PDE10A: variants seen among roughly 807,000 people sequenced by gnomAD.
PDE10A encodes the protein cAMP and cAMP-inhibited cGMP 3',5'-cyclic phosphodiesterase 10A.
A neutral mutation model predicts 97.7 loss-of-function variants in PDE10A; 39 were observed. That is an observed-to-expected ratio of 0.40 (90% CI 0.31 to 0.52). PDE10A has a LOEUF of 0.52. Among genes scored for constraint, PDE10A ranks in the 20% least tolerant of loss-of-function variants. The pLI, the probability that PDE10A is intolerant of heterozygous loss-of-function variation, is 0.56. For missense variants in PDE10A, 731 were observed against 1,047.8 expected, an observed-to-expected ratio of 0.70 and a Z score of 4.17; for synonymous variants, 371 against 376.8, an observed-to-expected ratio of 0.98 and a Z score of 0.18.
At chr6:165,947,383 C>T (rs1375382827) in intron 1 of PDE10A, among the ~76,000 whole-genome samples, 3 of 152,188 alleles carry the variant, frequency 2.0e-5, no homozygotes, top group African/African-American at 7.2e-5. Context: ...CATTGTACAG[C>T]TACTTTTTCT....
At chr6:165,448,506 G>A (rs149413954) in intron 5 of PDE10A, among the ~76,000 whole-genome samples, 1 of 152,122 alleles carries the variant, frequency 6.6e-6, no homozygotes, top group Non-Finnish European at 1.5e-5. Context: ...GACTTTTAGA[G>A]TCATCTGCAA....
intron 1 of PDE10A, among the ~76,000 whole-genome samples, chr6:165,742,570 G>A (rs139529819): frequency 2.0e-5 from 3 of 152,098 alleles, no homozygotes; most frequent in East Asian, 3.9e-4. Flanking sequence ...AGGTGGGCTC[G>A]GGTCACTGAC....
chr6:165,543,990 A>G (rs1483106597), intron 1 of PDE10A, among the ~76,000 whole-genome samples: 1 of 152,172 alleles, frequency 6.6e-6, no homozygotes, highest in Non-Finnish European at 1.5e-5. Flanking sequence ...TTTCAGAGTT[A>G]CATATGAACC....
chr6:165,559,110 T>C (rs963423835), intron 1 of PDE10A, among the ~76,000 whole-genome samples: 1 of 152,236 alleles, frequency 6.6e-6, no homozygotes, highest in Non-Finnish European at 1.5e-5. Flanking sequence ...CTCCAAAGTT[T>C]CTAGCTTAGG....
intron 3 of PDE10A, among the ~76,000 whole-genome samples, chr6:165,452,227 G>T (rs1279414942): frequency 6.6e-6 from 1 of 152,212 alleles, no homozygotes; most frequent in East Asian, 1.9e-4. Context: ...ATATTGATGT[G>T]GTAGAGGACA....
intron 1 of PDE10A, among the ~76,000 whole-genome samples, chr6:165,764,146 G>C (rs1438942205): frequency 1.3e-5 from 2 of 152,208 alleles, no homozygotes; most frequent in Non-Finnish European, 1.5e-5. Flanking sequence ...GTAGACGGAT[G>C]AGGCTCTTGG....
Position 165,887,421 on chromosome 6 carries a change from G to A in PDE10A, c.-615+100108C>T, listed in dbSNP as rs183129237. ...TTCTCTACCGTCCCCAACTTCTGAA[G>A]CCATGTCATTTTGTAATGTAGAATG... is the stretch of plus-strand genomic sequence containing the variant. On this transcript the variant is annotated intron_variant, in intron 1 of 19. Transcript: ENST00000366882. Among the ~76,000 whole-genome samples, 32 of 152,266 alleles carry A rather than the reference G, an allele frequency of 2.1e-4. 1 individual carries two copies. The East Asian group carries it at 4.4e-3, about 21-fold the overall frequency.
intron 1 of PDE10A, among the ~76,000 whole-genome samples, chr6:165,622,701 T>C (rs544959308): frequency 3.9e-5 from 6 of 152,334 alleles, no homozygotes; most frequent in African/African-American, 1.4e-4. Context: ...ACATGTTCTA[T>C]GTAAAAGTTC....
chr6:165,917,889 C>A (rs950566660), intron 1 of PDE10A, among the ~76,000 whole-genome samples: 5 of 152,172 alleles, frequency 3.3e-5, no homozygotes, highest in Non-Finnish European at 5.9e-5. Context: ...CTTGCTGAGT[C>A]CCCGAGTGCA....
intron 1 of PDE10A, among the ~76,000 whole-genome samples, chr6:165,681,828 G>C: frequency 6.6e-6 from 1 of 152,162 alleles, no homozygotes; most frequent in South Asian, 2.1e-4. Flanking sequence ...GGCTACTAGA[G>C]GAAGTGAGAA....
At chr6:165,433,984 T>A (rs1789801493) in intron 6 of PDE10A, among the ~76,000 whole-genome samples, 1 of 120,056 alleles carries the variant, frequency 8.3e-6, no homozygotes. Flanking sequence ...GCCACTGCAC[T>A]CCAGCCTGGG....
At chr6:165,480,637 C>T (rs548614401) in intron 3 of PDE10A, among the ~76,000 whole-genome samples, 22 of 151,652 alleles carry the variant, frequency 1.5e-4, no homozygotes, top group Admixed American at 2.6e-4. Context: ...AAAACAAAAC[C>T]AAAACAAAAC....
chr6:165,539,429 T>C (rs1296212656), intron 2 of PDE10A, among the ~76,000 whole-genome samples: 1 of 152,224 alleles, frequency 6.6e-6, no homozygotes, highest in East Asian at 1.9e-4. Context: ...TCTGTAAGAC[T>C]TTCCCTGACA....
chr6:165,688,269 G>C (rs1211575366), intron 1 of PDE10A, among the ~76,000 whole-genome samples: 1 of 152,126 alleles, frequency 6.6e-6, no homozygotes, highest in Admixed American at 6.5e-5. Flanking sequence ...ACATGCCTTT[G>C]AGACCAAGTC....
intron 1 of PDE10A, among the ~76,000 whole-genome samples, chr6:165,981,799 G>A (rs1785027986): frequency 6.6e-6 from 1 of 152,162 alleles, no homozygotes; most frequent in African/African-American, 2.4e-5. Flanking sequence ...CGAGGGCCAT[G>A]CCCATTTTTT....
At position 165,620,396 on chromosome 6, in the gene PDE10A, G is replaced by A. The variant is rs79748489; in HGVS notation, c.865+41551C>T. 7.2e-4 allele frequency among the ~76,000 whole-genome samples: 110 copies of A among 152,174 alleles called. 1 individual carries two copies. The East Asian group carries it at 0.019, about 27-fold the overall frequency. The stretch of plus-strand genomic sequence containing the variant: ...TGAGTAAAATATCTTGAGACATGTC[G>A]AACCTGAGCAATTTCCCACCAGCCT... On this transcript the variant is annotated intron_variant, in intron 1 of 21. Coordinates refer to ENST00000539869, the MANE Select transcript of PDE10A (RefSeq NM_001385079.1).
rs1174682605 is a variant in PDE10A at position 165,329,522 on chromosome 6, A to G, written c.*3503T>C. The stretch of plus-strand genomic sequence containing the variant: ...AGCTCAAACCTTAATTTTGAGTTAA[A>G]AGACCAGAAACACAATACCCAAACC... On this transcript the variant is annotated 3_prime_UTR_variant, in exon 22 of 22. Transcript: ENST00000539869. 2 of 152,242 alleles carry G rather than the reference A, an allele frequency of 1.3e-5. No individual in the cohort carries two copies. The highest frequency in any genetic ancestry group is 4.8e-5 in the African/African-American group (2 of 41,464). 9.4% of individuals were successfully genotyped at this position (152,242 alleles called of 1,614,324 possible).
intron 10 of PDE10A, among the ~76,000 whole-genome samples, chr6:165,425,770 C>CGTATGTGTGTGTGT (rs1554260323): frequency 6.9e-6 from 1 of 144,036 alleles, no homozygotes; most frequent in Non-Finnish European, 1.5e-5. Context: ...AAGGCATGAT[C>CGTATGTGTGTGTGT]GTGTGTGTGT....
At chr6:165,928,007 T>G (rs1057239531) in intron 1 of PDE10A, among the ~76,000 whole-genome samples, 1 of 150,874 alleles carries the variant, frequency 6.6e-6, no homozygotes, top group Non-Finnish European at 1.5e-5. Flanking sequence ...GAGAATGACA[T>G]AAATTTTTAA....
Sources: allele counts gnomAD v4.1 joint callset (sites outside exome capture counted in the v4.1 genomes callset), GRCh38; gene constraint gnomAD v4.1.1; transcripts MANE v1.5; gene names NCBI Gene and HGNC (gene_info 2026-07-23, HGNC 2026-07-21).